The following PRKDC variants were observed in gnomAD, a reference collection of about 807,000 sequenced individuals.
PRKDC encodes DNA-dependent protein kinase catalytic subunit.
Under a neutral mutation model 486.9 loss-of-function variants are expected in PRKDC, and 82 were observed. The observed-to-expected ratio is 0.17, with a 90% confidence interval of 0.14 to 0.20. PRKDC has a LOEUF of 0.20. Ranked by LOEUF, PRKDC falls within the 10% of genes least tolerant of loss-of-function variation. PRKDC has a pLI of 1.00. For missense variants in PRKDC, 4,504 were observed against 5,038.2 expected, an observed-to-expected ratio of 0.89 and a Z score of 3.21; for synonymous variants, 1,895 against 1,837.0, an observed-to-expected ratio of 1.03 and a Z score of -0.81.
intron 74 of PRKDC, among the ~76,000 whole-genome samples, 160 bp from the exon 75 acceptor site, chr8:47,789,398 C>A (rs1369857116): frequency 6.6e-6 from 1 of 150,454 alleles, no homozygotes; most frequent in Non-Finnish European, 1.5e-5. Flanking sequence ...ATATATATAA[C>A]CAACTACATA....
At chr8:47,908,751 A>G (rs1242772295) in intron 25 of PRKDC, among the ~76,000 whole-genome samples, 1 of 152,214 alleles carries the variant, frequency 6.6e-6, no homozygotes, top group Non-Finnish European at 1.5e-5. Flanking sequence ...GAACATTTTA[A>G]TATTATAAAC....
At chr8:47,930,246 G>A (rs960573910) in intron 17 of PRKDC, among the ~76,000 whole-genome samples, 11 of 151,942 alleles carry the variant, frequency 7.2e-5, no homozygotes, top group Non-Finnish European at 1.2e-4. Flanking sequence ...CTATATAATC[G>A]ATTACAGATT....
Position 47,935,722 on chromosome 8 carries a change from G to A in PRKDC, c.1447+10C>T, listed in dbSNP as rs532376178. The A allele has an allele frequency of 7.5e-6, 12 of 1,610,590 alleles. No homozygotes were observed. The highest frequency in any genetic ancestry group is 1.0e-5 in the Non-Finnish European group (12 of 1,177,872). On this transcript the variant is annotated intron_variant, in intron 13 of 85. Transcript: ENST00000314191. ...TCATTACTCATAAATACAATAAATT[G>A]CAAACTTACCCACAGTACTAATGCA...
In PRKDC at chr8:47,951,606, T is replaced by C. The variant is rs116860876; in HGVS notation, c.721+2014A>G. On this transcript the variant is annotated intron_variant, in intron 7 of 85. Transcript: ENST00000314191. ...GTATACACCTGTGGTCCTAGCTACT[T>C]GGGAGGCTAATGTGGGAGGTTCCCT... 1.5e-3 allele frequency among the ~76,000 whole-genome samples: 222 copies of C among 151,748 alleles called. 4 individuals carry two copies. In the East Asian group the frequency reaches 0.031, roughly 21 times the overall value.
At position 47,864,761 on chromosome 8, in the gene PRKDC, C is replaced by T; in HGVS notation, c.5366G>A (p.Gly1789Asp). The change falls in exon 41 of 86, where the codon GGT (glycine) becomes GAT (aspartate). Residue 1789 changes from glycine to aspartate, a missense_variant and splice_region_variant. Physicochemically the swap from Gly to Asp is moderately conservative, Grantham distance 94 (BLOSUM62 -1). Transcript: ENST00000314191. ...QSSFRRIARRGSCVTQVGLLE... is the reference protein window; with the variant it reads ...QSSFRRIARRDSCVTQVGLLE... ...AAGGCCTACTTGTGTGACACATGAA[C>T]CCCTAAGAAAACAAGATAAAATTAT... 2 of 1,573,964 alleles carry T rather than the reference C, an allele frequency of 1.3e-6. No homozygotes were observed. The highest frequency in any genetic ancestry group is 1.7e-6 in the Non-Finnish European group (2 of 1,157,250).
intron 4 of PRKDC, among the ~76,000 whole-genome samples, chr8:47,955,108 T>C (rs2154504630): frequency 6.7e-6 from 1 of 148,658 alleles, no homozygotes; most frequent in East Asian, 2.0e-4. Flanking sequence ...GAGCCGAGAT[T>C]GCGCCACTGC....
chr8:47,895,118 T>A (rs2089549257), intron 30 of PRKDC, among the ~76,000 whole-genome samples: 2 of 152,120 alleles, frequency 1.3e-5, no homozygotes, highest in East Asian at 1.9e-4. Flanking sequence ...TCCCAGCTAC[T>A]AAGGAGGTTG....
At chr8:47,780,373 G>A (rs919122679) in intron 80 of PRKDC, among the ~76,000 whole-genome samples, 3 of 152,212 alleles carry the variant, frequency 2.0e-5, no homozygotes, top group African/African-American at 7.2e-5. Context: ...AAGTGAACTT[G>A]AAAAGCTGTT....
In PRKDC at chr8:47,782,022, C is replaced by T; in HGVS notation, c.11489+140G>A. On this transcript the variant is annotated intron_variant, in intron 80 of 85. Transcript: ENST00000314191. The surrounding 1 kb of genome is among the most constrained non-coding windows in gnomAD (Gnocchi z 4.9). ...AACTACTGGTTAGCAGCCAGCACTC[C>T]ATTTGGTTTATTGACCCAGCCAGCA... The T allele has an allele frequency of 1.6e-6, 1 of 643,174 alleles. No individual in the cohort carries two copies. Among genetic ancestry groups the T allele is most frequent in the Non-Finnish European group, 2.7e-6 (1 of 366,714 alleles). 39.8% of individuals were successfully genotyped at this position (643,174 alleles called of 1,614,324 possible). A position where few individuals can be genotyped will look rare whatever the true frequency, so the allele number is the denominator to read the frequency against.
At chr8:47,906,805 C>G (rs189333289) in intron 25 of PRKDC, among the ~76,000 whole-genome samples, 6 of 151,486 alleles carry the variant, frequency 4.0e-5, no homozygotes, top group African/African-American at 1.2e-4. Flanking sequence ...GAGGTCCATA[C>G]TGTAGTTAAT....
chr8:47,896,509 C>T (rs1339816906), intron 30 of PRKDC, among the ~76,000 whole-genome samples: 1 of 152,088 alleles, frequency 6.6e-6, no homozygotes, highest in South Asian at 2.1e-4. Flanking sequence ...TAGCCGGACG[C>T]GGTGGCGGGT....
At position 47,954,349 on chromosome 8, in the gene PRKDC, ATT is replaced by A; in HGVS notation, c.495_496del (p.Lys165AsnfsTer11). On this transcript the variant is annotated frameshift_variant, in exon 5 of 86. Transcript: ENST00000314191. LOFTEE classifies it high-confidence loss of function. ...TAAATGCATCTCACCTGTATCTGGT[ATT>A]TTTTTTTTCAATGCAAGTTCTCCAT... The A allele has an allele frequency of 4.9e-5, 58 of 1,176,196 alleles. No individual in the cohort carries two copies. Among genetic ancestry groups the A allele is most frequent in the South Asian group, 1.4e-4 (8 of 56,134 alleles). The allele number at this position is 1,176,196 out of a possible 1,614,324, so 72.9% of individuals were successfully genotyped here. A position where few individuals can be genotyped will look rare whatever the true frequency, so the allele number is the denominator to read the frequency against.
intron 21 of PRKDC, among the ~76,000 whole-genome samples, chr8:47,924,680 G>A (rs2090126227): frequency 4.6e-5 from 7 of 152,078 alleles, no homozygotes; most frequent in Admixed American, 4.6e-4. Flanking sequence ...AGTGGCCAGA[G>A]TACATGTAAC....
At chr8:47,785,054 C>A (rs1424917997) in intron 77 of PRKDC, 59 bp downstream of exon 77, 2 of 1,517,818 alleles carry the variant, frequency 1.3e-6, no homozygotes, top group Non-Finnish European at 1.8e-6. Flanking sequence ...ACCACGAGTT[C>A]TTATTACAGT....
At chr8:47,948,895 A>G (rs1202998354) in intron 7 of PRKDC, among the ~76,000 whole-genome samples, 2 of 152,252 alleles carry the variant, frequency 1.3e-5, no homozygotes, top group African/African-American at 4.8e-5. Context: ...TTTGTTAGCT[A>G]TATTAGTTTC....
At chr8:47,957,844 T>TAA (rs1300857273) in intron 1 of PRKDC, among the ~76,000 whole-genome samples, 1 of 152,138 alleles carries the variant, frequency 6.6e-6, no homozygotes, top group Non-Finnish European at 1.5e-5. Context: ...GGCAGCCTTA[T>TAA]AAATATAAAA....
At chr8:47,922,663 G>A (rs1413323690) in intron 21 of PRKDC, among the ~76,000 whole-genome samples, 1 of 152,104 alleles carries the variant, frequency 6.6e-6, no homozygotes, top group Non-Finnish European at 1.5e-5. Flanking sequence ...GTGAATCTCA[G>A]ACATTTTCAT....
intron 61 of PRKDC, among the ~76,000 whole-genome samples, chr8:47,828,657 G>C (rs896828004): frequency 6.6e-6 from 1 of 152,144 alleles, no homozygotes; most frequent in African/African-American, 2.4e-5. Flanking sequence ...TCTTTAAATG[G>C]GGGCTACCAG....
chr8:47,804,541 C>G (rs2087178510), intron 69 of PRKDC, among the ~76,000 whole-genome samples: 1 of 152,106 alleles, frequency 6.6e-6, no homozygotes, highest in Non-Finnish European at 1.5e-5. Flanking sequence ...GTCAAGTGAT[C>G]CACCCGCCTT....
Sources: gnomAD v4.1 joint callset for allele counts (sites outside exome capture counted in the v4.1 genomes callset) on GRCh38, gnomAD v4.1.1 for gene constraint, Gnocchi (gnomAD v3.1) non-coding constraint, MANE v1.5 for transcripts, NCBI Gene and HGNC (gene_info 2026-07-23, HGNC 2026-07-21) for gene names.